The following TG variants were observed in gnomAD, a reference collection of about 807,000 sequenced individuals.
The protein encoded by TG is thyroid hormones.
TG carries 270 observed loss-of-function variants against 324.7 expected under a neutral mutation model. That is an observed-to-expected ratio of 0.83 (90% CI 0.75 to 0.92). The LOEUF is 0.92. Ranked by LOEUF, TG falls within the 40% of genes least tolerant of loss-of-function variation. The probability of loss-of-function intolerance (pLI) is 0.00; values close to 1 mark genes in which losing one functional copy is unlikely to be tolerated. For missense variants in TG, 3,591 were observed against 3,456.4 expected (o/e 1.04, Z -0.98); for synonymous variants, 1,401 against 1,327.0 (o/e 1.06, Z -1.21).
chr8:133,120,537 G>T (rs1056550290), intron 45 of TG, among the ~76,000 whole-genome samples: 1 of 152,152 alleles, frequency 6.6e-6, no homozygotes, highest in Non-Finnish European at 1.5e-5. Flanking sequence ...GATGCGTTCC[G>T]GCCTCTCTCT....
intron 35 of TG, among the ~76,000 whole-genome samples, chr8:132,985,964 G>C (rs760546679): frequency 7.2e-5 from 11 of 152,074 alleles, no homozygotes; most frequent in Non-Finnish European, 1.5e-4. Flanking sequence ...TGGAGGGAGA[G>C]AGGATAAAGG....
chr8:133,052,295 C>A (rs953744577), intron 41 of TG, among the ~76,000 whole-genome samples: 2 of 152,178 alleles, frequency 1.3e-5, no homozygotes, highest in African/African-American at 4.8e-5. Flanking sequence ...CAAGTAATCA[C>A]GGTGGAACAG....
chr8:133,093,228 A>T (rs573630064), intron 41 of TG, among the ~76,000 whole-genome samples: 9 of 152,226 alleles, frequency 5.9e-5, no homozygotes, highest in South Asian at 2.1e-4. Context: ...AGGGCACAAG[A>T]ACTCAACAAT....
intron 18 of TG, 64 bp downstream of exon 18, chr8:132,908,404 A>C: frequency 6.7e-7 from 1 of 1,492,466 alleles, no homozygotes; most frequent in Non-Finnish European, 9.0e-7. Flanking sequence ...GTGTCAGAAA[A>C]CCTGAGGGCT....
At chr8:133,114,791 A>G (rs1850547743) in intron 44 of TG, among the ~76,000 whole-genome samples, 1 of 152,134 alleles carries the variant, frequency 6.6e-6, no homozygotes, top group African/African-American at 2.4e-5. Flanking sequence ...GGTAAACTGG[A>G]GCCTGTTGGG....
chr8:133,000,258 CAG>C (rs1833323226), intron 35 of TG, among the ~76,000 whole-genome samples: 1 of 152,154 alleles, frequency 6.6e-6, no homozygotes, highest in African/African-American at 2.4e-5. Context: ...ATGGCACACA[CAG>C]GGGATGATGA....
At chr8:133,130,701 G>A (rs1851875159) in intron 45 of TG, among the ~76,000 whole-genome samples, 1 of 152,212 alleles carries the variant, frequency 6.6e-6, no homozygotes, top group South Asian at 2.1e-4. Context: ...AGTCCACTAA[G>A]ATCGATCCTG....
In TG at chr8:132,900,245, G is replaced by A. The variant is rs1442601371; in HGVS notation, c.3339G>A (p.Glu1113=). 1 of 1,613,904 alleles carries A rather than the reference G, an allele frequency of 6.2e-7. No homozygotes were observed. The highest frequency in any genetic ancestry group is 1.7e-5 in the Admixed American group (1 of 60,014). ...LFVPACLETG[E]YARLQASGAG... is the part of the protein sequence containing the mutation. ...CCCCGGCTTTGTCTCAGACAGGAGAGTATGCCAGGCTGCAGGCATCGGGGG... is the reference window on the plus strand; with the variant it reads ...CCCCGGCTTTGTCTCAGACAGGAGAATATGCCAGGCTGCAGGCATCGGGGG... The change falls in exon 15 of 48, where the codon GAG becomes GAA. Residue 1113 remains glutamate, a synonymous_variant. Coordinates refer to ENST00000220616, the MANE Select transcript of TG (RefSeq NM_003235.5).
chr8:132,906,030 G>A (rs1045882479), intron 16 of TG, among the ~76,000 whole-genome samples: 19 of 152,158 alleles, frequency 1.2e-4, no homozygotes, highest in Middle Eastern at 3.2e-3. Context: ...GCTGATATTC[G>A]GCTCTGGCAT....
intron 35 of TG, chr8:132,983,771 G>T (rs1831194851): frequency 2.7e-6 from 1 of 376,318 alleles, no homozygotes; most frequent in South Asian, 2.3e-5. Context: ...GTTATTTATG[G>T]CCAAAAAGGG....
intron 5 of TG, among the ~76,000 whole-genome samples, chr8:132,878,416 G>A (rs1341292357): frequency 2.0e-5 from 3 of 151,894 alleles, no homozygotes; most frequent in Non-Finnish European, 4.4e-5. Context: ...GGAGATTGAC[G>A]CTATCCTGGC....
At chr8:132,927,439 A>G (rs1822042261) in intron 22 of TG, among the ~76,000 whole-genome samples, 1 of 152,238 alleles carries the variant, frequency 6.6e-6, no homozygotes, top group Admixed American at 6.5e-5. Flanking sequence ...ATTAATATAT[A>G]CTGTGCTTTA....
intron 25 of TG, among the ~76,000 whole-genome samples, chr8:132,939,203 C>T (rs1263351251): frequency 6.6e-6 from 1 of 152,176 alleles, no homozygotes; most frequent in Non-Finnish European, 1.5e-5. Context: ...GTCTACAAAT[C>T]TGTGCTGTCC....
intron 15 of TG, 56 bp downstream of exon 15, chr8:132,900,395 G>A (rs536760824): frequency 4.4e-5 from 66 of 1,515,968 alleles, no homozygotes; most frequent in Admixed American, 4.1e-4. Flanking sequence ...GGCACTGAGC[G>A]TGGAGTCCAA....
intron 39 of TG, 114 bp from the exon 40 acceptor site, chr8:133,021,877 T>C: frequency 6.0e-6 from 8 of 1,325,808 alleles, no homozygotes; most frequent in Non-Finnish European, 8.6e-6. Flanking sequence ...TGCATGGGGC[T>C]AAGTATGCCA....
intron 41 of TG, among the ~76,000 whole-genome samples, chr8:133,070,081 G>T (rs188287221): frequency 6.6e-6 from 1 of 151,776 alleles, no homozygotes; most frequent in Non-Finnish European, 1.5e-5. Context: ...AAACAATGTG[G>T]GCCTAGGAGA....
At chr8:132,960,455 A>G (rs971849602) in intron 27 of TG, among the ~76,000 whole-genome samples, 20 of 152,340 alleles carry the variant, frequency 1.3e-4, no homozygotes, top group Admixed American at 7.2e-4. Flanking sequence ...TGGCAAGCCT[A>G]GTGTCATCCA....
chr8:132,950,869 C>G (rs2741229), intron 27 of TG, among the ~76,000 whole-genome samples: 74,924 of 152,112 alleles, frequency 0.49, 20,747 homozygotes, highest in Non-Finnish European at 0.61. Flanking sequence ...CAGCCCTGCT[C>G]TGAGGCCTTG....
chr8:133,019,631 C>T lies in TG; in HGVS notation c.6812C>T (p.Thr2271Ile). ...RASCWQPGTR[T>I]STSPGVSEDC... ...AGCTGCTGGCAGCCAGGCACCAGAA[C>T]ATCCACGTCTCCTGGAGTCAGTGAA... is the stretch of plus-strand genomic sequence containing the variant. Residue 2271 changes from threonine (T) to isoleucine (I), a missense_variant, in exon 39 of 48, where the codon ACA becomes ATA. Coordinates refer to ENST00000220616, the MANE Select transcript of TG (RefSeq NM_003235.5). 2 of 1,613,904 alleles carry T rather than the reference C, an allele frequency of 1.2e-6. No individual in the cohort carries two copies. The highest frequency in any genetic ancestry group is 4.5e-5 in the East Asian group (2 of 44,870).
Sources: allele counts gnomAD v4.1 joint callset (sites outside exome capture counted in the v4.1 genomes callset), GRCh38; gene constraint gnomAD v4.1.1; transcripts MANE v1.5; gene names NCBI Gene and HGNC (gene_info 2026-07-23, HGNC 2026-07-21).